The following PLCL1 variants were observed in gnomAD, a reference collection of about 807,000 sequenced individuals.
PLCL1 encodes the protein phospholipase C like 1 (inactive).
PLCL1 carries 41 observed loss-of-function variants against 84.4 expected under a neutral mutation model. The ratio of observed to expected loss-of-function variants is 0.49; its 90% CI spans 0.38 to 0.63. The LOEUF is 0.63. Among genes scored for constraint, PLCL1 ranks in the 30% least tolerant of loss-of-function variants. PLCL1 has a pLI of 0.00. For missense variants in PLCL1, 1,206 were observed against 1,367.8 expected (o/e 0.88, Z 1.87); for synonymous variants, 490 against 488.3 (o/e 1.00, Z -0.05).
intron 1 of PLCL1, among the ~76,000 whole-genome samples, chr2:197,918,918 G>A (rs1031657519): frequency 1.1e-4 from 16 of 147,504 alleles, no homozygotes; most frequent in Admixed American, 9.6e-4. Flanking sequence ...TCCAGCCTGG[G>A]CAACAGACGG....
intron 1 of PLCL1, among the ~76,000 whole-genome samples, chr2:198,033,507 C>T (rs1691480449): frequency 6.6e-6 from 1 of 152,188 alleles, no homozygotes; most frequent in Non-Finnish European, 1.5e-5. Context: ...ACCGTTTTCT[C>T]TTGGGATCAG....
chr2:198,113,820 A>G (rs1482973449), intron 5 of PLCL1, among the ~76,000 whole-genome samples: 1 of 151,834 alleles, frequency 6.6e-6, no homozygotes, highest in Non-Finnish European at 1.5e-5. Flanking sequence ...TTGTTATTAT[A>G]TCAAATCTGG....
intron 1 of PLCL1, among the ~76,000 whole-genome samples, chr2:198,006,168 G>C (rs1690725031): frequency 6.6e-6 from 1 of 152,190 alleles, no homozygotes; most frequent in Admixed American, 6.5e-5. Flanking sequence ...TGAGAAGTCT[G>C]TTGACATAAA....
chr2:197,966,346 G>A (rs1574973045), intron 1 of PLCL1, among the ~76,000 whole-genome samples: 1 of 152,080 alleles, frequency 6.6e-6, no homozygotes, highest in Admixed American at 6.5e-5. Context: ...TGCAGTCCTT[G>A]TGGCCTAGAC....
intron 1 of PLCL1, among the ~76,000 whole-genome samples, chr2:197,918,936 G>GTCTCTC (rs71395692): frequency 1.6e-3 from 131 of 83,202 alleles, no homozygotes; most frequent in African/African-American, 4.0e-3. Flanking sequence ...CGGAGACCCT[G>GTCTCTC]TCTCTCTCTC....
intron 1 of PLCL1, among the ~76,000 whole-genome samples, chr2:197,928,015 T>A (rs6739925): frequency 2.3e-4 from 34 of 147,680 alleles, no homozygotes; most frequent in African/African-American, 8.0e-4. Context: ...GGGTCATTTT[T>A]AAATGAAGTT....
intron 5 of PLCL1, among the ~76,000 whole-genome samples, chr2:198,114,903 TAGAG>T (rs1477173956): frequency 6.6e-6 from 1 of 151,802 alleles, no homozygotes; most frequent in African/African-American, 2.4e-5. Flanking sequence ...TGAATTTAGA[TAGAG>T]AATCTGTTCA....
intron 1 of PLCL1, among the ~76,000 whole-genome samples, chr2:197,980,928 C>T (rs778426001): frequency 6.6e-6 from 1 of 152,148 alleles, no homozygotes; most frequent in African/African-American, 2.4e-5. Context: ...AGGAGCCAGC[C>T]TCAATGAGAT....
intron 5 of PLCL1, among the ~76,000 whole-genome samples, chr2:198,112,743 A>G (rs1693651722): frequency 6.6e-6 from 1 of 151,934 alleles, no homozygotes; most frequent in Non-Finnish European, 1.5e-5. Flanking sequence ...CAGTCATGCC[A>G]GAAACATTTG....
intron 1 of PLCL1, among the ~76,000 whole-genome samples, chr2:197,866,001 A>C (rs1559029318): frequency 8.6e-6 from 1 of 116,694 alleles, no homozygotes; most frequent in Non-Finnish European, 1.7e-5. Flanking sequence ...CAGAGTGAGA[A>C]CCTATCTCCA....
At chr2:197,845,290 A>C (rs1031197983) in intron 1 of PLCL1, among the ~76,000 whole-genome samples, 2 of 152,134 alleles carry the variant, frequency 1.3e-5, no homozygotes, top group African/African-American at 4.8e-5. Flanking sequence ...TTACACACAC[A>C]TGCTAAGTGT....
intron 5 of PLCL1, among the ~76,000 whole-genome samples, chr2:198,128,291 A>G (rs1449763975): frequency 1.3e-5 from 2 of 152,172 alleles, no homozygotes; most frequent in Non-Finnish European, 2.9e-5. Flanking sequence ...CATGCTACCT[A>G]GAAAGAGCTG....
At chr2:198,022,032 C>T (rs1368632248) in intron 1 of PLCL1, among the ~76,000 whole-genome samples, 1 of 152,170 alleles carries the variant, frequency 6.6e-6, no homozygotes, top group Non-Finnish European at 1.5e-5. Flanking sequence ...AAAGCTTATC[C>T]ACCATGATCA....
At chr2:198,128,584 G>A (rs1044927741) in intron 5 of PLCL1, among the ~76,000 whole-genome samples, 1 of 152,082 alleles carries the variant, frequency 6.6e-6, no homozygotes, top group Non-Finnish European at 1.5e-5. Context: ...TGATATGGTG[G>A]TGCCAGTTGA....
intron 1 of PLCL1, among the ~76,000 whole-genome samples, chr2:197,925,863 G>A (rs1453772697): frequency 6.6e-6 from 1 of 151,698 alleles, no homozygotes; most frequent in Non-Finnish European, 1.5e-5. Flanking sequence ...TTTCTACTCA[G>A]TTTTAAATGC....
At chr2:198,125,447 T>C (rs1693962567) in intron 5 of PLCL1, among the ~76,000 whole-genome samples, 2 of 152,242 alleles carry the variant, frequency 1.3e-5, no homozygotes, top group South Asian at 2.1e-4. Flanking sequence ...ATGAGGAGTA[T>C]TGGAATCTGT....
rs1692783413 is a variant in PLCL1 at position 198,083,891 on chromosome 2, G to A, written c.374G>A (p.Arg125Gln). 4 of 1,614,070 alleles carry A rather than the reference G, an allele frequency of 2.5e-6. No individual in the cohort carries two copies. Among genetic ancestry groups the A allele is most frequent in the Non-Finnish European group, 2.5e-6 (3 of 1,179,986 alleles). The change falls in exon 2 of 6, where the codon CGG becomes CAG. Residue 125 changes from arginine to glutamine, a missense_variant. Coordinates refer to ENST00000428675, the MANE Select transcript of PLCL1 (RefSeq NM_006226.4). ...MQAGCELKKV[R>Q]PNSRIYNRFF... The stretch of plus-strand genomic sequence containing the variant: ...GCTGGCTGTGAGTTGAAGAAAGTCC[G>A]GCCAAATTCTCGCATTTACAACCGT...
intron 1 of PLCL1, among the ~76,000 whole-genome samples, chr2:197,986,712 A>G (rs1690226807): frequency 6.6e-6 from 1 of 152,160 alleles, no homozygotes. Flanking sequence ...GGAAGTTCTG[A>G]GAAGTCTTTC....
intron 1 of PLCL1, among the ~76,000 whole-genome samples, chr2:197,888,824 C>A (rs1559036045): frequency 6.6e-6 from 1 of 151,824 alleles, no homozygotes; most frequent in Non-Finnish European, 1.5e-5. Context: ...TTAAGGAAGA[C>A]AAATTTCTTT....
Sources: allele counts gnomAD v4.1 joint callset (sites outside exome capture counted in the v4.1 genomes callset), GRCh38; gene constraint gnomAD v4.1.1; transcripts MANE v1.5; gene names NCBI Gene and HGNC (gene_info 2026-07-23, HGNC 2026-07-21).